ATRNL1: variants seen among roughly 807,000 people sequenced by gnomAD.
ATRNL1 encodes attractin like 1.
A neutral mutation model predicts 182.7 loss-of-function variants in ATRNL1; 95 were observed. The ratio of observed to expected loss-of-function variants is 0.52; its 90% CI spans 0.44 to 0.62. The LOEUF (loss-of-function observed/expected upper bound fraction) is 0.62. Among genes scored for constraint, ATRNL1 ranks in the 20% least tolerant of loss-of-function variants. The pLI is 0.00. For missense variants in ATRNL1, 1,471 were observed against 1,679.5 expected (o/e 0.88, Z 2.17); for synonymous variants, 576 against 568.3 (o/e 1.01, Z -0.19).
Position 115,093,496 on chromosome 10 carries a change from C to T in ATRNL1, c.-255C>T, listed in dbSNP as rs1554862044. The T allele has an allele frequency of 6.3e-6, 4 of 638,368 alleles. No individual in the cohort carries two copies. The highest frequency in any genetic ancestry group is 6.9e-5 in the East Asian group (2 of 28,942). 39.5% of individuals were successfully genotyped at this position (638,368 alleles called of 1,614,324 possible). ...GCCTCCGGCCGGGTCCGGGACGCCG[C>T]GGCTGTGGGGTCGGCCCGCTAAGGA... is the stretch of plus-strand genomic sequence containing the variant. On this transcript the variant is annotated 5_prime_UTR_variant, in exon 1 of 29. Coordinates refer to ENST00000355044, the MANE Select transcript of ATRNL1 (RefSeq NM_207303.4). This position sits in a 1 kb window ranked among gnomAD's most constrained non-coding sequence, Gnocchi z 6.1.
Position 115,717,548 on chromosome 10 carries a change from C to CTTTTT in ATRNL1, c.3796-9683_3796-9679dup, listed in dbSNP as rs61386440. On this transcript the variant is annotated intron_variant, in intron 26 of 28. Transcript: ENST00000355044. The stretch of plus-strand genomic sequence containing the variant: ...TGATTTTCCCGCTGCCTGAAATGTT[C>CTTTTT]TTTTTTTTTTTTTTTTTTTTTGAGA... 6.6e-4 allele frequency among the ~76,000 whole-genome samples: 56 copies of CTTTTT among 84,354 alleles called. 2 individuals carry two copies. Among genetic ancestry groups the CTTTTT allele is most frequent in the African/African-American group, 1.4e-3 (33 of 23,048 alleles). The allele number at this position is 84,354 out of a possible 152,430, so 55.3% of individuals were successfully genotyped here. A position where few individuals can be genotyped will look rare whatever the true frequency, so the allele number is the denominator to read the frequency against.
chr10:115,626,364 G>T (rs1858102515), intron 26 of ATRNL1, among the ~76,000 whole-genome samples: 1 of 152,084 alleles, frequency 6.6e-6, no homozygotes, highest in African/African-American at 2.4e-5. Flanking sequence ...AACATCAGCT[G>T]TTCTGGTAAT....
chr10:115,766,702 C>T (rs1264323850), intron 27 of ATRNL1, among the ~76,000 whole-genome samples: 4 of 152,138 alleles, frequency 2.6e-5, no homozygotes, highest in African/African-American at 9.7e-5. Flanking sequence ...AATCCACAAT[C>T]AAGTGTAGAA....
intron 26 of ATRNL1, among the ~76,000 whole-genome samples, chr10:115,635,153 A>G (rs12247539): frequency 0.011 from 1,672 of 152,244 alleles, 29 homozygotes; most frequent in African/African-American, 0.038. Context: ...GGACCATATT[A>G]AAGTAAGAAC....
chr10:115,518,939 G>C (rs1427067449), intron 24 of ATRNL1, among the ~76,000 whole-genome samples: 1 of 151,894 alleles, frequency 6.6e-6, no homozygotes, highest in African/African-American at 2.4e-5. Flanking sequence ...TGTTTTCTTA[G>C]CTGAGTTGAA....
chr10:115,287,118 A>T (rs1852656764), intron 15 of ATRNL1, among the ~76,000 whole-genome samples: 1 of 151,990 alleles, frequency 6.6e-6, no homozygotes, highest in Non-Finnish European at 1.5e-5. Flanking sequence ...TACTTGTTAC[A>T]GCTTACTTTA....
chr10:115,422,900 AAAC>A (rs1307495714), intron 20 of ATRNL1, among the ~76,000 whole-genome samples: 2 of 152,222 alleles, frequency 1.3e-5, no homozygotes, highest in Admixed American at 1.3e-4. Context: ...GTAAAGTTAG[AAAC>A]AACACCTATC....
intron 28 of ATRNL1, among the ~76,000 whole-genome samples, chr10:115,921,531 C>G (rs1555118755): frequency 6.6e-6 from 1 of 150,830 alleles, no homozygotes; most frequent in African/African-American, 2.4e-5. Flanking sequence ...TTCTTAAATT[C>G]TTTTACACCT....
intron 28 of ATRNL1, among the ~76,000 whole-genome samples, chr10:115,896,395 C>T (rs1267928709): frequency 5.3e-5 from 8 of 151,680 alleles, no homozygotes; most frequent in Admixed American, 2.0e-4. Flanking sequence ...GAATTTTTTC[C>T]GAAGCAAGTG....
intron 1 of ATRNL1, among the ~76,000 whole-genome samples, chr10:115,109,034 A>G (rs569083840): frequency 1.1e-4 from 17 of 152,106 alleles, no homozygotes; most frequent in Non-Finnish European, 2.1e-4. Flanking sequence ...ATTTCTGCCA[A>G]TATTCTGATC....
chr10:115,496,904 G>A (rs1849576999), intron 24 of ATRNL1, among the ~76,000 whole-genome samples: 1 of 152,068 alleles, frequency 6.6e-6, no homozygotes, highest in Admixed American at 6.6e-5. Flanking sequence ...ATCTCTTGGG[G>A]TTCCCTGCAT....
At position 115,911,531 on chromosome 10, in the gene ATRNL1, C is replaced by G. The variant is rs548718214; in HGVS notation, c.4019-33127C>G. ...ATAGGATTTCACCATGTTGGACAGG[C>G]TGGTCCCGAACTCCTCAGGTGGTCC... On this transcript the variant is annotated intron_variant, in intron 28 of 28. Coordinates refer to ENST00000355044, the MANE Select transcript of ATRNL1 (RefSeq NM_207303.4). Among the ~76,000 whole-genome samples, 96 of 152,264 alleles carry G rather than the reference C, an allele frequency of 6.3e-4. 3 individuals carry two copies. In the South Asian group the frequency reaches 0.019, roughly 30 times the overall value.
At chr10:115,745,978 T>A (rs1470679655) in intron 27 of ATRNL1, among the ~76,000 whole-genome samples, 1 of 152,186 alleles carries the variant, frequency 6.6e-6, no homozygotes, top group Non-Finnish European at 1.5e-5. Flanking sequence ...AACAGTTGTA[T>A]ATTTCCAGTT....
intron 26 of ATRNL1, among the ~76,000 whole-genome samples, chr10:115,666,756 C>T (rs1242333660): frequency 6.6e-6 from 1 of 151,986 alleles, no homozygotes; most frequent in African/African-American, 2.4e-5. Flanking sequence ...TTTAACCTCT[C>T]AATATTAAAC....
chr10:115,363,494 T>A (rs1856858095), intron 19 of ATRNL1, among the ~76,000 whole-genome samples: 1 of 146,826 alleles, frequency 6.8e-6, no homozygotes, highest in Non-Finnish European at 1.5e-5. Context: ...TGGTAGTTTC[T>A]TTTGCTGTGC....
intron 28 of ATRNL1, among the ~76,000 whole-genome samples, chr10:115,922,033 A>T (rs1449770393): frequency 1.3e-5 from 2 of 152,116 alleles, no homozygotes; most frequent in African/African-American, 4.8e-5. Flanking sequence ...AGCCATTGAG[A>T]CTGCTGCCAG....
intron 27 of ATRNL1, among the ~76,000 whole-genome samples, chr10:115,731,755 C>T (rs1191569858): frequency 6.6e-5 from 10 of 151,706 alleles, no homozygotes; most frequent in African/African-American, 1.9e-4. Flanking sequence ...GTCATCACCC[C>T]GAAAGAAACC....
chr10:115,292,440 G>A (rs1217054970), intron 15 of ATRNL1, among the ~76,000 whole-genome samples: 1 of 150,508 alleles, frequency 6.6e-6, no homozygotes, highest in Non-Finnish European at 1.5e-5. Flanking sequence ...TCTTTGTGAT[G>A]CAACATTAGG....
intron 26 of ATRNL1, among the ~76,000 whole-genome samples, chr10:115,646,204 G>A (rs890347973): frequency 8.6e-5 from 13 of 151,854 alleles, no homozygotes; most frequent in South Asian, 2.1e-4. Flanking sequence ...TCTAATATTC[G>A]TTTAAAACTG....
Sources: allele counts gnomAD v4.1 joint callset (sites outside exome capture counted in the v4.1 genomes callset), GRCh38; gene constraint gnomAD v4.1.1; non-coding constraint Gnocchi (gnomAD v3.1); transcripts MANE v1.5; gene names NCBI Gene and HGNC (gene_info 2026-07-23, HGNC 2026-07-21).